ROR2: variants seen among roughly 807,000 people sequenced by gnomAD.
ROR2 encodes the protein tyrosine-protein kinase transmembrane receptor ROR2.
ROR2 carries 33 observed loss-of-function variants against 74.9 expected under a neutral mutation model. The observed-to-expected ratio is 0.44, with a 90% CI of 0.33 to 0.59. The LOEUF (loss-of-function observed/expected upper bound fraction) is 0.59. Among genes scored for constraint, ROR2 ranks in the 20% least tolerant of loss-of-function variants. The pLI, the probability that ROR2 is intolerant of heterozygous loss-of-function variation, is 0.02. For synonymous variants in ROR2, 586 were observed against 558.7 expected (o/e 1.05, Z -0.69); for missense variants, 1,216 against 1,313.8 (o/e 0.93, Z 1.15).
At chr9:91,919,331 A>T (rs1345809626) in intron 1 of ROR2, among the ~76,000 whole-genome samples, 1 of 152,230 alleles carries the variant, frequency 6.6e-6, no homozygotes, top group African/African-American at 2.4e-5. Context: ...GATCTCTACA[A>T]GACTCTGCTT....
intron 1 of ROR2, among the ~76,000 whole-genome samples, chr9:91,917,141 A>G (rs1831157234): frequency 6.6e-6 from 1 of 152,178 alleles, no homozygotes; most frequent in Non-Finnish European, 1.5e-5. Flanking sequence ...ATTTAAGAGC[A>G]ATGCTTCAGC....
chr9:91,936,713 T>TA (rs1831700167), intron 1 of ROR2, among the ~76,000 whole-genome samples: 1 of 152,230 alleles, frequency 6.6e-6, no homozygotes, highest in East Asian at 1.9e-4. Flanking sequence ...TCTAATCTTA[T>TA]TTCCACCTCA....
At chr9:91,801,324 G>T (rs1025538472) in intron 1 of ROR2, among the ~76,000 whole-genome samples, 8 of 151,946 alleles carry the variant, frequency 5.3e-5, no homozygotes, top group Admixed American at 5.2e-4. Context: ...AATAAAATTT[G>T]CACGCTTTTT....
chr9:91,946,073 A>G (rs1832005823), intron 1 of ROR2, among the ~76,000 whole-genome samples: 1 of 152,194 alleles, frequency 6.6e-6, no homozygotes, highest in African/African-American at 2.4e-5. Context: ...AGAACCTAAG[A>G]GCCCAAAGGG....
intron 1 of ROR2, among the ~76,000 whole-genome samples, chr9:91,935,770 C>G (rs968365326): frequency 1.3e-5 from 2 of 152,214 alleles, no homozygotes; most frequent in African/African-American, 4.8e-5. Flanking sequence ...ACCCCAAGCA[C>G]AGCCCACAAG....
Position 91,731,080 on chromosome 9 carries a change from T to C in ROR2, c.1013A>G (p.Gln338Arg), listed in dbSNP as rs1324575897. 6.2e-7 allele frequency: 1 copy of C among 1,614,124 alleles called. No individual in the cohort carries two copies. The highest frequency in any genetic ancestry group is 2.2e-5 in the East Asian group (1 of 44,870). ...GTGGGGGTGCTGCAGGGCCCACGGC[T>C]GGCACTGGTGGCCTGACTTGGTGGT... ...ASTTKSGHQC[Q>R]PWALQHPHSH... Residue 338 changes from glutamine (Q) to arginine (R), a missense_variant, in exon 7 of 9, where the codon CAG becomes CGG. Coordinates refer to ENST00000375708, the MANE Select transcript of ROR2 (RefSeq NM_004560.4).
At chr9:91,745,491 C>T (rs561380445) in intron 4 of ROR2, among the ~76,000 whole-genome samples, 5 of 138,202 alleles carry the variant, frequency 3.6e-5, no homozygotes, top group South Asian at 4.7e-4. Flanking sequence ...TGCAATGGCG[C>T]GCTCTCAGCT....
chr9:91,948,662 G>A (rs1229525398), intron 1 of ROR2: 1 of 985,404 alleles, frequency 1.0e-6, no homozygotes, highest in Non-Finnish European at 1.2e-6. Context: ...CTCCCAGCAG[G>A]ACGCAGGAAA....
intron 1 of ROR2, among the ~76,000 whole-genome samples, chr9:91,914,629 C>G (rs149544230): frequency 1.3e-5 from 2 of 152,082 alleles, no homozygotes; most frequent in East Asian, 3.9e-4. Context: ...AGGGGAGAGG[C>G]TTTTCCCCAA....
chr9:91,728,757 C>A (rs915065736), intron 7 of ROR2, among the ~76,000 whole-genome samples: 1 of 152,196 alleles, frequency 6.6e-6, no homozygotes, highest in African/African-American at 2.4e-5. Context: ...TAAATAGAAT[C>A]GTGTCATCCA....
chr9:91,770,400 G>A (rs527756127), intron 2 of ROR2, among the ~76,000 whole-genome samples: 58 of 152,318 alleles, frequency 3.8e-4, no homozygotes, highest in African/African-American at 1.3e-3. Flanking sequence ...AGCCTCACTC[G>A]GTATGGGCGG....
At chr9:91,799,310 A>T (rs967553943) in intron 1 of ROR2, among the ~76,000 whole-genome samples, 1 of 152,110 alleles carries the variant, frequency 6.6e-6, no homozygotes, top group East Asian at 1.9e-4. Flanking sequence ...GAATCCAGGG[A>T]CGCTGCTCAC....
At chr9:91,892,406 G>A (rs866397707) in intron 1 of ROR2, among the ~76,000 whole-genome samples, 12 of 152,208 alleles carry the variant, frequency 7.9e-5, no homozygotes, top group East Asian at 3.9e-4. Flanking sequence ...CCCTTACCCC[G>A]CCCATGCCTC....
At chr9:91,856,025 T>A (rs917714290) in intron 1 of ROR2, among the ~76,000 whole-genome samples, 2 of 152,164 alleles carry the variant, frequency 1.3e-5, no homozygotes, top group African/African-American at 4.8e-5. Flanking sequence ...TTGTTGGGAC[T>A]TCCCAACAAA....
At chr9:91,786,141 G>A (rs977777148) in intron 1 of ROR2, among the ~76,000 whole-genome samples, 3 of 118,918 alleles carry the variant, frequency 2.5e-5, no homozygotes, top group African/African-American at 8.6e-5. Flanking sequence ...GGTAACATAC[G>A]GAAACCCTGT....
chr9:91,849,345 G>A (rs967793225), intron 1 of ROR2, among the ~76,000 whole-genome samples: 1 of 152,230 alleles, frequency 6.6e-6, no homozygotes, highest in African/African-American at 2.4e-5. Context: ...GAAATAAACT[G>A]CCACATGGAA....
intron 1 of ROR2, among the ~76,000 whole-genome samples, chr9:91,848,779 AAAAAAAAC>A (rs1829008984): frequency 6.6e-6 from 1 of 151,626 alleles, no homozygotes; most frequent in African/African-American, 2.4e-5. Context: ...AAAAAAAAAA[AAAAAAAAC>A]AGTTGGACCT....
At chr9:91,767,075 T>C (rs1380866334) in intron 2 of ROR2, among the ~76,000 whole-genome samples, 2 of 145,110 alleles carry the variant, frequency 1.4e-5, no homozygotes, top group Non-Finnish European at 3.0e-5. Context: ...GATCAATGAC[T>C]TACGGTTTTT....
rs890352560 is a variant in ROR2, at chr9:91,892,053, A to AAG, written c.97+57813_97+57814insCT. Among the ~76,000 whole-genome samples, 79 of 91,830 alleles carry AAG rather than the reference A, an allele frequency of 8.6e-4. 1 individual carries two copies. The highest frequency in any genetic ancestry group is 7.7e-5 in the Non-Finnish European group (4 of 51,638). 60.2% of individuals were successfully genotyped at this position (91,830 alleles called of 152,430 possible). Reference sequence around the variant, plus strand: ...ACAGAACAAGAATCTGTCTAAGAAGAAAAAAAAAAAAAAAAAAAGCCAGCA... The same window carrying AAG: ...ACAGAACAAGAATCTGTCTAAGAAGAAGAAAAAAAAAAAAAAAAAAGCCAGCA... On this transcript the variant is annotated intron_variant, in intron 1 of 8. Transcript: ENST00000375708.
Sources: gnomAD v4.1 joint callset for allele counts (sites outside exome capture counted in the v4.1 genomes callset) on GRCh38, gnomAD v4.1.1 for gene constraint, MANE v1.5 for transcripts, NCBI Gene and HGNC (gene_info 2026-07-23, HGNC 2026-07-21) for gene names.